SLC10A6: variants seen among roughly 807,000 people sequenced by gnomAD.
SLC10A6 encodes the protein solute carrier family 10 member 6, also known as sodium-dependent organic anion transporter.
SLC10A6 carries 27 observed loss-of-function variants against 30.0 expected under a neutral mutation model. The ratio of observed to expected loss-of-function variants is 0.90; its 90% confidence interval spans 0.66 to 1.24. The LOEUF (loss-of-function observed/expected upper bound fraction) is 1.24, where lower values mean the gene tolerates loss of function less well. Among genes scored for constraint, SLC10A6 ranks in the 50% most tolerant of loss-of-function variants. SLC10A6 has a pLI of 0.00. For synonymous variants in SLC10A6, 166 were observed against 173.8 expected, an observed-to-expected ratio of 0.95 and a Z score of 0.36; for missense variants, 439 against 457.0, an observed-to-expected ratio of 0.96 and a Z score of 0.36.
intron 4 of SLC10A6, 83 bp from the exon 5 acceptor site, chr4:86,825,660 A>G: frequency 7.3e-7 from 1 of 1,364,500 alleles, no homozygotes; most frequent in Non-Finnish European, 9.9e-7. Context: ...CATAACAATT[A>G]GAAGCTATGA....
At position 86,848,953 on chromosome 4, in the gene SLC10A6, T is replaced by A. The variant is rs772790008; in HGVS notation, c.163A>T (p.Ile55Phe). ...CTGATGTGCGACCACAGCTTCCGGA[T>A]CTCCACGGAACATCCCAAAGAGAAC... is the stretch of plus-strand genomic sequence containing the variant. Reference protein sequence around the residue: ...LMFSLGCSVEIRKLWSHIRRP... With the variant: ...LMFSLGCSVEFRKLWSHIRRP... The change falls in exon 1 of 6, where the codon ATC becomes TTC. Residue 55 changes from isoleucine to phenylalanine, a missense_variant. Transcript: ENST00000273905. 6.2e-7 allele frequency: 1 copy of A among 1,614,058 alleles called. No individual in the cohort carries two copies. Among genetic ancestry groups the A allele is most frequent in the Non-Finnish European group, 8.5e-7 (1 of 1,180,004 alleles).
Position 86,825,580 on chromosome 4 carries a change from A to G in SLC10A6, c.762-3T>C. On this transcript the variant is annotated splice_polypyrimidine_tract_variant and splice_region_variant and intron_variant, in intron 4 of 5. Coordinates refer to ENST00000273905, the MANE Select transcript of SLC10A6 (RefSeq NM_197965.3). ...TTTCTAAGGAAATTGTCCTGCACCTACCAAAAAGAAAATGTTTCAAGAGTA... is the reference window on the plus strand; with the variant it reads ...TTTCTAAGGAAATTGTCCTGCACCTGCCAAAAAGAAAATGTTTCAAGAGTA... The G allele has an allele frequency of 6.3e-7, 1 of 1,576,814 alleles. No homozygotes were observed. The highest frequency in any genetic ancestry group is 8.7e-7 in the Non-Finnish European group (1 of 1,151,196).
intron 1 of SLC10A6, among the ~76,000 whole-genome samples, chr4:86,839,380 G>C (rs1240124745): frequency 6.6e-6 from 1 of 152,010 alleles, no homozygotes; most frequent in South Asian, 2.1e-4. Flanking sequence ...GAGCTCAGGA[G>C]TTTGAGGCTG....
chr4:86,827,032 C>CA, intron 4 of SLC10A6, among the ~76,000 whole-genome samples: 1 of 152,254 alleles, frequency 6.6e-6, no homozygotes, highest in Non-Finnish European at 1.5e-5. Flanking sequence ...ACCCTCACTT[C>CA]TTTGAGACTT....
chr4:86,844,388 G>GATATCCTACTAGATA (rs1746358810), intron 1 of SLC10A6, among the ~76,000 whole-genome samples: 1 of 152,020 alleles, frequency 6.6e-6, no homozygotes, highest in Admixed American at 6.6e-5. Flanking sequence ...GGATATATTG[G>GATATCCTACTAGATA]GGAAAAAAAT....
chr4:86,829,364 T>C (rs1378776666), intron 3 of SLC10A6, among the ~76,000 whole-genome samples: 1 of 152,056 alleles, frequency 6.6e-6, no homozygotes, highest in East Asian at 1.9e-4. Context: ...TGAGCCAAGA[T>C]TGCGCCACTG....
intron 1 of SLC10A6, among the ~76,000 whole-genome samples, chr4:86,837,339 A>AGGCAGGCAGGC (rs1560460513): frequency 4.1e-4 from 42 of 103,064 alleles, no homozygotes; most frequent in African/African-American, 2.3e-3. Flanking sequence ...GGAAGGAAGG[A>AGGCAGGCAGGC]AGGAAGGCAG....
rs1745917063 is a variant in SLC10A6, at chr4:86,823,529, T to C, written c.*159A>G. On this transcript the variant is annotated 3_prime_UTR_variant, in exon 6 of 6. Coordinates refer to ENST00000273905, the MANE Select transcript of SLC10A6 (RefSeq NM_197965.3). ...CTGAAATGGGAATCTCCAAAAGTGATCCCATCACAATTCACAATCCACATG... is the reference window on the plus strand; with the variant it reads ...CTGAAATGGGAATCTCCAAAAGTGACCCCATCACAATTCACAATCCACATG... 5 of 605,532 alleles carry C rather than the reference T, an allele frequency of 8.3e-6. No individual in the cohort carries two copies. The highest frequency in any genetic ancestry group is 3.5e-5 in the Admixed American group (1 of 28,276). 37.5% of individuals were successfully genotyped at this position (605,532 alleles called of 1,614,324 possible). A position where few individuals can be genotyped will look rare whatever the true frequency, so the allele number is the denominator to read the frequency against.
chr4:86,842,633 A>C (rs1746309016), intron 1 of SLC10A6, among the ~76,000 whole-genome samples: 1 of 151,142 alleles, frequency 6.6e-6, no homozygotes, highest in Non-Finnish European at 1.5e-5. Flanking sequence ...GAAGGCCAAG[A>C]CTTCAGTGAG....
chr4:86,831,916 T>C lies in SLC10A6; in HGVS notation c.497-36A>G, dbSNP rs376064370. 233 of 1,545,974 alleles carry C rather than the reference T, an allele frequency of 1.5e-4. 1 individual carries two copies. The highest frequency in any genetic ancestry group is 1.2e-4 in the Admixed American group (7 of 58,166). On this transcript the variant is annotated intron_variant, in intron 2 of 5. Transcript: ENST00000273905. ...GAAAAATCCATGAGAGGGTTTTCCC[T>C]CTCACCCTGACTGCACAGTACTTCC...
chr4:86,847,300 A>G (rs754689725), intron 1 of SLC10A6, among the ~76,000 whole-genome samples: 2 of 152,242 alleles, frequency 1.3e-5, no homozygotes, highest in Non-Finnish European at 2.9e-5. Context: ...TCCCATGCCT[A>G]TGGGGCACTT....
At chr4:86,831,043 G>A (rs1227979151) in intron 3 of SLC10A6, among the ~76,000 whole-genome samples, 1 of 152,122 alleles carries the variant, frequency 6.6e-6, no homozygotes, top group East Asian at 1.9e-4. Flanking sequence ...CATGATAATG[G>A]CTCACTGTAG....
chr4:86,842,709 AAAG>A (rs1311231223), intron 1 of SLC10A6, among the ~76,000 whole-genome samples: 1 of 87,464 alleles, frequency 1.1e-5, no homozygotes. Context: ...AAAAAAAAAA[AAAG>A]AAAAGAAAAG....
rs556189080 is a variant in SLC10A6 at position 86,849,020 on chromosome 4, G to A, written c.96C>T (p.Leu32=). 31 of 1,614,120 alleles carry A rather than the reference G, an allele frequency of 1.9e-5. No individual in the cohort carries two copies. The South Asian group carries it at 2.0e-4, about 10-fold the overall frequency. Residue 32 remains leucine (L), a synonymous_variant, in exon 1 of 6, where the codon CTC becomes CTT. Transcript: ENST00000273905. ...TCACAGTGGACACCACTGTGAAAAC[G>A]AGCTCCAGGTTTCCATGCACCTCCA... ...VGLEVHGNLE[L]VFTVVSTVMM...
intron 2 of SLC10A6, among the ~76,000 whole-genome samples, chr4:86,832,559 C>G (rs1746097896): frequency 6.6e-6 from 1 of 151,538 alleles, no homozygotes; most frequent in African/African-American, 2.4e-5. Context: ...CGACTGCACT[C>G]CAGCCTGAGT....
At chr4:86,833,063 C>T (rs531407529) in intron 2 of SLC10A6, among the ~76,000 whole-genome samples, 9 of 151,950 alleles carry the variant, frequency 5.9e-5, no homozygotes, top group Admixed American at 2.0e-4. Context: ...GTCAGATTCC[C>T]GGGTTAGAAC....
chr4:86,823,781 C>T lies in SLC10A6; in HGVS notation c.1041G>A (p.Val347=). The change falls in exon 6 of 6, where the codon GTG becomes GTA. Residue 347 remains valine (V), a synonymous_variant. Transcript: ENST00000273905. Reference sequence around the variant, plus strand: ...CAGGAGTGATGGCACCTTCTTCATTCACCTCCAAGAAGGCATTGGTCTCTC... The same window carrying T: ...CAGGAGTGATGGCACCTTCTTCATTTACCTCCAAGAAGGCATTGGTCTCTC... The part of the protein sequence containing the change: ...SSRETNAFLE[V]NEEGAITPGP... The T allele has an allele frequency of 1.2e-6, 2 of 1,614,206 alleles. No homozygotes were observed. Among genetic ancestry groups the T allele is most frequent in the Middle Eastern group, 1.6e-4 (1 of 6,062 alleles).
In SLC10A6 at chr4:86,826,305, A is replaced by G. The variant is rs180779391; in HGVS notation, c.762-728T>C. On this transcript the variant is annotated intron_variant, in intron 4 of 5. Coordinates refer to ENST00000273905, the MANE Select transcript of SLC10A6 (RefSeq NM_197965.3). ...TAAAAACAAATAAACAAGGCCAGGC[A>G]CAGTGGCTCACGCCTGTAATCTCAG... Among the ~76,000 whole-genome samples the G allele has an allele frequency of 1.4e-3, 213 of 152,320 alleles. 1 individual carries two copies. Among genetic ancestry groups the G allele is most frequent in the African/African-American group, 5.1e-3 (210 of 41,576 alleles).
At chr4:86,843,532 G>A (rs1445745071) in intron 1 of SLC10A6, among the ~76,000 whole-genome samples, 1 of 152,002 alleles carries the variant, frequency 6.6e-6, no homozygotes, top group African/African-American at 2.4e-5. Flanking sequence ...TTTAACCTCA[G>A]ATCCACTCCT....
Sources: gnomAD v4.1 joint callset for allele counts (sites outside exome capture counted in the v4.1 genomes callset) on GRCh38, gnomAD v4.1.1 for gene constraint, MANE v1.5 for transcripts, NCBI Gene and HGNC (gene_info 2026-07-23, HGNC 2026-07-21) for gene names.